BRD9: variants seen among roughly 807,000 people sequenced by gnomAD.
BRD9 encodes bromodomain-containing protein 9.
In BRD9, 47 loss-of-function variants were observed where a neutral mutation model predicts 68.7. The ratio of observed to expected loss-of-function variants is 0.68; its 90% CI spans 0.54 to 0.87. The LOEUF is 0.87. BRD9 is among the 40% of genes least tolerant of loss of function. The pLI, the probability that BRD9 is intolerant of heterozygous loss-of-function variation, is 0.00. For synonymous variants in BRD9, 313 were observed against 293.9 expected, an observed-to-expected ratio of 1.06 and a Z score of -0.67; for missense variants, 670 against 748.4, an observed-to-expected ratio of 0.90 and a Z score of 1.22.
chr5:881,272 G>GTT, intron 8 of BRD9, 90 bp from the exon 9 acceptor site: 23 of 1,237,022 alleles, frequency 1.9e-5, no homozygotes, highest in Non-Finnish European at 2.5e-5. Flanking sequence ...GCTTAATGGG[G>GTT]GTGAAAGCAC....
chr5:887,674 C>A (rs1306240260), intron 5 of BRD9, among the ~76,000 whole-genome samples: 1 of 152,320 alleles, frequency 6.6e-6, no homozygotes, highest in Non-Finnish European at 1.5e-5. Context: ...AAAAATATTA[C>A]AGCAAACAGT....
At chr5:883,443 A>T (rs1226417638) in intron 8 of BRD9, 1 of 456,794 alleles carries the variant, frequency 2.2e-6, no homozygotes, top group East Asian at 6.9e-5. Flanking sequence ...CTGGGTCTAG[A>T]ACGTCTCCTG....
At chr5:892,004 A>G in intron 1 of BRD9, 150 bp from the exon 2 acceptor site, 2 of 1,290,626 alleles carry the variant, frequency 1.5e-6, no homozygotes, top group Non-Finnish European at 2.1e-6. Flanking sequence ...GGAAGACCAC[A>G]GTGGCGGCAT....
At chr5:883,531 G>A in intron 8 of BRD9, 1 of 429,716 alleles carries the variant, frequency 2.3e-6, no homozygotes, top group South Asian at 1.7e-5. Flanking sequence ...CGTGAACACA[G>A]TCGGTGGCCT....
chr5:884,336 G>A (rs1472983923), intron 7 of BRD9, among the ~76,000 whole-genome samples: 1 of 152,252 alleles, frequency 6.6e-6, no homozygotes, highest in Non-Finnish European at 1.5e-5. Context: ...CTCAGTTAAA[G>A]TGCTTTAGCA....
At chr5:883,626 G>C (rs1560918626) in intron 8 of BRD9, 2 of 454,886 alleles carry the variant, frequency 4.4e-6, no homozygotes, top group East Asian at 4.6e-5. Flanking sequence ...CAGTGACAGA[G>C]ACACAGAAGT....
intron 1 of BRD9, 55 bp from the exon 2 acceptor site, chr5:891,909 G>A: frequency 3.9e-6 from 6 of 1,544,066 alleles, no homozygotes; most frequent in Non-Finnish European, 4.4e-6. Flanking sequence ...ACGCCACGCA[G>A]CCAGGTGAGA....
intron 3 of BRD9, among the ~76,000 whole-genome samples, chr5:890,392 C>T (rs1753185325): frequency 6.6e-6 from 1 of 152,128 alleles, no homozygotes; most frequent in South Asian, 2.1e-4. Flanking sequence ...TCCCTATAAT[C>T]CAGGAACCAC....
At chr5:877,437 TAAGGGG>T (rs1751118407) in intron 11 of BRD9, among the ~76,000 whole-genome samples, 1 of 152,268 alleles carries the variant, frequency 6.6e-6, no homozygotes, top group African/African-American at 2.4e-5. Flanking sequence ...TATGAAGCAC[TAAGGGG>T]ATTCTTGTTT....
chr5:884,594 T>C (rs1752275314), intron 7 of BRD9, among the ~76,000 whole-genome samples: 1 of 152,258 alleles, frequency 6.6e-6, no homozygotes, highest in African/African-American at 2.4e-5. Flanking sequence ...GAAGCAGTTC[T>C]CCAACAGCTG....
intron 13 of BRD9, 149 bp from the exon 14 acceptor site, chr5:870,724 G>A (rs1750017786): frequency 3.4e-6 from 2 of 594,322 alleles, no homozygotes; most frequent in Non-Finnish European, 6.0e-6. Context: ...TGTTCACTGA[G>A]GCTGCTGTTC....
At chr5:869,066 C>A (rs1249599627) in intron 14 of BRD9, 3 of 268,166 alleles carry the variant, frequency 1.1e-5, no homozygotes, top group South Asian at 3.4e-5. Context: ...CCCAGAAGAC[C>A]AGACTTGAGC....
chr5:877,129 T>C (rs1326086627), intron 11 of BRD9, among the ~76,000 whole-genome samples: 1 of 152,154 alleles, frequency 6.6e-6, no homozygotes, highest in Non-Finnish European at 1.5e-5. Context: ...GCGGGGGGTG[T>C]GCACAGTCCA....
intron 7 of BRD9, among the ~76,000 whole-genome samples, chr5:885,245 G>A (rs1189193576): frequency 1.3e-5 from 2 of 152,222 alleles, no homozygotes; most frequent in East Asian, 1.9e-4. Context: ...TGCAACGCAC[G>A]TGGGGAGACC....
In BRD9 at chr5:891,668, A is replaced by G. The variant is rs747617341; in HGVS notation, c.239T>C (p.Leu80Pro). The G allele has an allele frequency of 1.9e-6, 3 of 1,551,486 alleles. No individual in the cohort carries two copies. The highest frequency in any genetic ancestry group is 3.3e-4 in the Middle Eastern group (2 of 5,992). The change falls in exon 2 of 16, where the codon CTG becomes CCG. Residue 80 changes from leucine to proline, a missense_variant. Leu to Pro is a moderately conservative substitution (Grantham distance 98, BLOSUM62 -3). Coordinates refer to ENST00000467963, the MANE Select transcript of BRD9 (RefSeq NM_023924.5). ...TCGCTTCCTTCTTTCCTCATCGTCCAGATGCTTCTCCTTCTCGGACTTCTT... is the reference window on the plus strand; with the variant it reads ...TCGCTTCCTTCTTTCCTCATCGTCCGGATGCTTCTCCTTCTCGGACTTCTT... ...KKKKSEKEKH[L>P]DDEERRKRKE...
rs933066891 is a variant in BRD9 at position 891,082 on chromosome 5, G to A, written c.400+73C>T. On this transcript the variant is annotated intron_variant, in intron 3 of 15. Transcript: ENST00000467963. ...CCCATGCTTCTCCCCAAAGCAACAG[G>A]ACACGGTGCCGACCCCTCATTTACA... 5.7e-5 allele frequency: 83 copies of A among 1,464,506 alleles called. No individual in the cohort carries two copies. In the African/African-American group the frequency reaches 1.2e-3, roughly 20 times the overall value. The allele number at this position is 1,464,506 out of a possible 1,614,324, so 90.7% of individuals were successfully genotyped here. A position where few individuals can be genotyped will look rare whatever the true frequency, so the allele number is the denominator to read the frequency against.
chr5:869,928 C>T (rs1261127933), intron 14 of BRD9, among the ~76,000 whole-genome samples: 2 of 152,252 alleles, frequency 1.3e-5, no homozygotes, highest in East Asian at 3.8e-4. Flanking sequence ...GACTGTGTCA[C>T]AGCCACGGTC....
Position 880,978 on chromosome 5 carries a change from AGGTCG to A in BRD9, c.1042+124_1042+128del, listed in dbSNP as rs150031680. On this transcript the variant is annotated intron_variant, in intron 9 of 15. Transcript: ENST00000467963. ...CACGTGTCACGTTGGGGTGCGAGCA[AGGTCG>A]GGAAGCCGGGCAGCCTCTCATGCTG... 2,315 of 918,596 alleles carry A rather than the reference AGGTCG, an allele frequency of 2.5e-3. 30 individuals carry two copies. In the African/African-American group the frequency reaches 0.032, roughly 13 times the overall value. 56.9% of individuals were successfully genotyped at this position (918,596 alleles called of 1,614,324 possible).
intron 15 of BRD9, among the ~76,000 whole-genome samples, chr5:864,981 G>A (rs1749139905): frequency 6.6e-6 from 1 of 152,164 alleles, no homozygotes; most frequent in Non-Finnish European, 1.5e-5. Context: ...GATGGTTGCA[G>A]CTAAACCTCT....
Sources: gnomAD v4.1 joint callset for allele counts (sites outside exome capture counted in the v4.1 genomes callset) on GRCh38, gnomAD v4.1.1 for gene constraint, MANE v1.5 for transcripts, NCBI Gene and HGNC (gene_info 2026-07-23, HGNC 2026-07-21) for gene names.